Variants in TNRC6A observed in about 807,000 individuals in gnomAD.
TNRC6A encodes trinucleotide repeat containing adaptor 6A, also known as trinucleotide repeat-containing gene 6A protein.
In TNRC6A, 44 loss-of-function variants were observed where a neutral mutation model predicts 221.2. The observed-to-expected ratio is 0.20, with a 90% CI of 0.16 to 0.26. The LOEUF is 0.26. TNRC6A is among the 10% of genes least tolerant of loss of function. The pLI is 1.00. For missense variants in TNRC6A, 2,199 were observed against 2,404.4 expected, an observed-to-expected ratio of 0.91 and a Z score of 1.79; for synonymous variants, 847 against 838.5, an observed-to-expected ratio of 1.01 and a Z score of -0.18.
At chr16:24,644,126 G>A (rs1426869950) in intron 2 of TNRC6A, among the ~76,000 whole-genome samples, 3 of 114,158 alleles carry the variant, frequency 2.6e-5, no homozygotes, top group Admixed American at 1.3e-4. Flanking sequence ...TCGCTCTGTC[G>A]CCCAGGCTGG....
intron 13 of TNRC6A, 70 bp downstream of exon 13, chr16:24,804,921 G>A: frequency 6.2e-7 from 1 of 1,613,602 alleles, no homozygotes; most frequent in Non-Finnish European, 8.5e-7. Flanking sequence ...TCTCTTACAT[G>A]TAGTTACTGT....
At chr16:24,770,657 G>C (rs1219554970) in intron 4 of TNRC6A, among the ~76,000 whole-genome samples, 1 of 152,078 alleles carries the variant, frequency 6.6e-6, no homozygotes, top group Non-Finnish European at 1.5e-5. Flanking sequence ...ACTTATTCTT[G>C]CCTTTACTTC....
At chr16:24,776,501 A>G (rs961043736) in intron 4 of TNRC6A, 206 of 985,338 alleles carry the variant, frequency 2.1e-4, no homozygotes, top group Non-Finnish European at 2.3e-4. Flanking sequence ...AAAAATAGAG[A>G]CCAAACACAT....
chr16:24,671,148 G>C (rs2055292120), intron 2 of TNRC6A: 1 of 221,610 alleles, frequency 4.5e-6, no homozygotes, highest in South Asian at 4.4e-5. Flanking sequence ...TGCTCCCTGG[G>C]TGGACATGAC....
chr16:24,733,078 G>A (rs1299330607), intron 2 of TNRC6A, among the ~76,000 whole-genome samples: 1 of 152,146 alleles, frequency 6.6e-6, no homozygotes, highest in African/African-American at 2.4e-5. Context: ...TTAGTTGGGC[G>A]TGGTGGCATG....
chr16:24,733,231 A>G (rs1478202269), intron 2 of TNRC6A, among the ~76,000 whole-genome samples: 1 of 152,196 alleles, frequency 6.6e-6, no homozygotes, highest in African/African-American at 2.4e-5. Context: ...AAATCTTTTA[A>G]TAACATGGAA....
intron 2 of TNRC6A, among the ~76,000 whole-genome samples, chr16:24,717,564 G>A (rs1268403260): frequency 1.3e-5 from 2 of 152,026 alleles, no homozygotes; most frequent in Admixed American, 6.6e-5. Flanking sequence ...CGGCAGGCCC[G>A]AGCATCATGG....
chr16:24,803,587 G>A (rs759349665), intron 11 of TNRC6A: 1 of 152,192 alleles, frequency 6.6e-6, no homozygotes, highest in Non-Finnish European at 1.5e-5. Flanking sequence ...GGTGCCTTAA[G>A]TTATGTAACC....
intron 2 of TNRC6A, 55 bp downstream of exon 2, chr16:24,730,355 C>T (rs1421223950): frequency 1.9e-6 from 3 of 1,580,244 alleles, no homozygotes; most frequent in Non-Finnish European, 2.6e-6. Flanking sequence ...TATTTCTACT[C>T]CGATTCGCCT....
intron 2 of TNRC6A, among the ~76,000 whole-genome samples, chr16:24,713,141 G>A (rs1263517501): frequency 6.6e-6 from 1 of 152,086 alleles, no homozygotes; most frequent in Non-Finnish European, 1.5e-5. Flanking sequence ...AATCTCAGCT[G>A]GATGCAGTGG....
At chr16:24,742,654 G>A (rs1299815071) in intron 2 of TNRC6A, among the ~76,000 whole-genome samples, 1 of 152,206 alleles carries the variant, frequency 6.6e-6, no homozygotes, top group Non-Finnish European at 1.5e-5. Context: ...GGGCGCAGTG[G>A]CTCACGCCTG....
chr16:24,800,484 A>G (rs1014774032), intron 11 of TNRC6A, among the ~76,000 whole-genome samples: 7 of 152,222 alleles, frequency 4.6e-5, no homozygotes, highest in African/African-American at 1.7e-4. Flanking sequence ...TCAGTAAGAC[A>G]TGATGGCTGT....
chr16:24,819,604 A>ACCCACTC (rs1463252188), intron 21 of TNRC6A: 1 of 147,960 alleles, frequency 6.8e-6, no homozygotes, highest in African/African-American at 2.6e-5. Context: ...CAAATTACTT[A>ACCCACTC]CCCACTCTGT....
intron 5 of TNRC6A, among the ~76,000 whole-genome samples, chr16:24,780,851 TGGA>T (rs1385549875): frequency 6.6e-5 from 10 of 152,072 alleles, no homozygotes; most frequent in Non-Finnish European, 1.3e-4. Context: ...TTAAAGTTTC[TGGA>T]GATATTTAAA....
upstream of TNRC6A, among the ~76,000 whole-genome samples, chr16:24,729,372 G>A (rs1055259965): frequency 6.9e-6 from 1 of 145,522 alleles, no homozygotes; most frequent in African/African-American, 2.6e-5. Flanking sequence ...AACTTGTGTC[G>A]CAGCAAAGAA....
intron 2 of TNRC6A, among the ~76,000 whole-genome samples, chr16:24,677,887 A>G (rs537192740): frequency 6.9e-6 from 1 of 145,976 alleles, no homozygotes; most frequent in Non-Finnish European, 1.6e-5. Context: ...TGGTTGCTGG[A>G]TGATCTTTGT....
At chr16:24,628,679 T>C (rs73562568) in intron 1 of TNRC6A, among the ~76,000 whole-genome samples, 3,489 of 152,276 alleles carry the variant, frequency 0.023, 129 homozygotes, top group African/African-American at 0.08. Flanking sequence ...ATACATATAA[T>C]ATACAAAATA....
intron 2 of TNRC6A, among the ~76,000 whole-genome samples, chr16:24,664,535 AT>A (rs901608600): frequency 7.0e-6 from 1 of 143,060 alleles, no homozygotes; most frequent in African/African-American, 2.5e-5. Flanking sequence ...TAATATATAT[AT>A]TTTTAAAATA....
chr16:24,770,021 A>G (rs887336385), intron 4 of TNRC6A, among the ~76,000 whole-genome samples: 3 of 152,348 alleles, frequency 2.0e-5, no homozygotes, highest in South Asian at 2.1e-4. Context: ...TAAGAGTTTC[A>G]TCAGAATAGA....
Sources: allele counts gnomAD v4.1 joint callset (sites outside exome capture counted in the v4.1 genomes callset), GRCh38; gene constraint gnomAD v4.1.1; transcripts MANE v1.5; gene names NCBI Gene and HGNC (gene_info 2026-07-23, HGNC 2026-07-21).